HS3ST3A1: variants seen among roughly 807,000 people sequenced by gnomAD.
HS3ST3A1 encodes the protein heparan sulfate-glucosamine 3-sulfotransferase 3A1, also known as heparan sulfate glucosamine 3-O-sulfotransferase 3A1.
In HS3ST3A1, 19 loss-of-function variants were observed where a neutral mutation model predicts 25.7. The observed-to-expected ratio is 0.74, with a 90% CI of 0.52 to 1.08. The LOEUF is 1.08. HS3ST3A1 is among the 50% of genes least tolerant of loss of function. HS3ST3A1 has a pLI of 0.00. For synonymous variants in HS3ST3A1, 226 were observed against 278.6 expected (o/e 0.81, Z 1.88); for missense variants, 459 against 594.3 (o/e 0.77, Z 2.37).
intron 1 of HS3ST3A1, among the ~76,000 whole-genome samples, chr17:13,506,415 A>G (rs1373285022): frequency 6.6e-6 from 1 of 152,186 alleles, no homozygotes; most frequent in Non-Finnish European, 1.5e-5. Flanking sequence ...TTAACTTGTC[A>G]TATTTAGAGC....
At position 13,496,392 on chromosome 17, in the gene HS3ST3A1, G is replaced by A. The variant is rs1178669450; in HGVS notation, c.1026C>T (p.Tyr342=). 3 of 1,397,944 alleles carry A rather than the reference G, an allele frequency of 2.1e-6. No homozygotes were observed. The African/African-American group carries it at 4.4e-5, about 21-fold the overall frequency. The allele number at this position is 1,397,944 out of a possible 1,614,324, so 86.6% of individuals were successfully genotyped here. The stretch of plus-strand genomic sequence containing the variant: ...AGGGGAAGCCCTTGGTCTTGTTGAA[G>A]TAGAAGTGCTTGTCCGTGATGATCC... ...LKRIITDKHF[Y]FNKTKGFPCL... The change falls in exon 2 of 2, where the codon TAC becomes TAT. Residue 342 remains tyrosine (Y), a synonymous_variant. Coordinates refer to ENST00000284110, the MANE Select transcript of HS3ST3A1 (RefSeq NM_006042.3).
At chr17:13,566,031 G>T (rs1172011488) in intron 1 of HS3ST3A1, among the ~76,000 whole-genome samples, 1 of 152,040 alleles carries the variant, frequency 6.6e-6, no homozygotes, top group Non-Finnish European at 1.5e-5. Context: ...TTATCTTTTA[G>T]TTATTACAGG....
At chr17:13,532,810 G>A (rs9902049) in intron 1 of HS3ST3A1, among the ~76,000 whole-genome samples, 67,059 of 150,072 alleles carry the variant, frequency 0.45, 16,533 homozygotes, top group African/African-American at 0.68. Context: ...TCTTTGTTGA[G>A]TATTTCCAAG....
chr17:13,501,231 T>A (rs535718163), intron 1 of HS3ST3A1, among the ~76,000 whole-genome samples: 1 of 151,084 alleles, frequency 6.6e-6, no homozygotes, highest in South Asian at 2.1e-4. Context: ...CGAACAACGG[T>A]TAAAATGGTA....
chr17:13,513,064 G>A (rs1418733967), intron 1 of HS3ST3A1, among the ~76,000 whole-genome samples: 1 of 152,166 alleles, frequency 6.6e-6, no homozygotes, highest in Non-Finnish European at 1.5e-5. Context: ...AGGGTATGCG[G>A]GCCTTCATTC....
At chr17:13,588,171 T>C (rs1264801405) in intron 1 of HS3ST3A1, among the ~76,000 whole-genome samples, 2 of 152,088 alleles carry the variant, frequency 1.3e-5, no homozygotes, top group Non-Finnish European at 2.9e-5. Context: ...TTACATATCG[T>C]CTGTGGCTGC....
chr17:13,562,276 C>CA (rs1907568940), intron 1 of HS3ST3A1, among the ~76,000 whole-genome samples: 1 of 152,118 alleles, frequency 6.6e-6, no homozygotes, highest in Non-Finnish European at 1.5e-5. Flanking sequence ...CAGACACAGT[C>CA]ATGGTCTGGA....
intron 1 of HS3ST3A1, among the ~76,000 whole-genome samples, chr17:13,561,578 G>A (rs1439030130): frequency 6.6e-6 from 1 of 152,064 alleles, no homozygotes; most frequent in Non-Finnish European, 1.5e-5. Flanking sequence ...AATTTTAGTA[G>A]TGACGGGGTT....
chr17:13,504,876 GC>G (rs1905607332), intron 1 of HS3ST3A1, among the ~76,000 whole-genome samples: 1 of 152,174 alleles, frequency 6.6e-6, no homozygotes, highest in South Asian at 2.1e-4. Flanking sequence ...CCTCACATGG[GC>G]CACTATGAGC....
intron 1 of HS3ST3A1, among the ~76,000 whole-genome samples, chr17:13,599,255 G>A (rs1168209157): frequency 1.3e-5 from 2 of 152,118 alleles, no homozygotes; most frequent in Non-Finnish European, 2.9e-5. Context: ...TCCAACAAAT[G>A]GAAAGTTACT....
chr17:13,574,066 A>G (rs953268861), intron 1 of HS3ST3A1, among the ~76,000 whole-genome samples: 2 of 151,682 alleles, frequency 1.3e-5, no homozygotes, highest in Admixed American at 6.6e-5. Context: ...TCCCTAATGC[A>G]GTTCTCACCC....
At chr17:13,566,487 C>T (rs1186148857) in intron 1 of HS3ST3A1, among the ~76,000 whole-genome samples, 2 of 152,160 alleles carry the variant, frequency 1.3e-5, no homozygotes, top group East Asian at 1.9e-4. Flanking sequence ...AAGAGTTGCA[C>T]CTCCCTCACT....
chr17:13,534,192 C>T (rs6502274), intron 1 of HS3ST3A1, among the ~76,000 whole-genome samples: 1 of 151,790 alleles, frequency 6.6e-6, no homozygotes, highest in Non-Finnish European at 1.5e-5. Flanking sequence ...CTATAAATGG[C>T]GTTAATGTCT....
At chr17:13,562,740 T>C (rs1355631986) in intron 1 of HS3ST3A1, among the ~76,000 whole-genome samples, 7 of 151,994 alleles carry the variant, frequency 4.6e-5, no homozygotes, top group Non-Finnish European at 1.0e-4. Context: ...CCAAACTCCA[T>C]CCAGAGTCAA....
At chr17:13,547,725 A>G (rs1907125725) in intron 1 of HS3ST3A1, among the ~76,000 whole-genome samples, 2 of 152,116 alleles carry the variant, frequency 1.3e-5, no homozygotes. Flanking sequence ...GAACCTAAGA[A>G]AGGGGTTATG....
chr17:13,525,876 T>C (rs1462319141), intron 1 of HS3ST3A1, among the ~76,000 whole-genome samples: 4 of 152,118 alleles, frequency 2.6e-5, no homozygotes, highest in Non-Finnish European at 5.9e-5. Context: ...CTTTTTTTTT[T>C]CTGTGATTTA....
At chr17:13,526,323 G>T (rs1163872597) in intron 1 of HS3ST3A1, among the ~76,000 whole-genome samples, 1 of 151,498 alleles carries the variant, frequency 6.6e-6, no homozygotes, top group Non-Finnish European at 1.5e-5. Context: ...CTCTTTAGTA[G>T]GTAGACGGTG....
intron 1 of HS3ST3A1, among the ~76,000 whole-genome samples, chr17:13,572,479 TAAGA>T (rs1907841889): frequency 6.6e-6 from 1 of 152,030 alleles, no homozygotes; most frequent in South Asian, 2.1e-4. Flanking sequence ...GTCGGGGTGC[TAAGA>T]AATACCCATG....
At chr17:13,510,160 C>A (rs1032196637) in intron 1 of HS3ST3A1, among the ~76,000 whole-genome samples, 3 of 152,332 alleles carry the variant, frequency 2.0e-5, no homozygotes, top group African/African-American at 7.2e-5. Context: ...CCTCTCCTGG[C>A]TCTGTGGTGG....
Sources: gnomAD v4.1 joint callset for allele counts (sites outside exome capture counted in the v4.1 genomes callset) on GRCh38, gnomAD v4.1.1 for gene constraint, MANE v1.5 for transcripts, NCBI Gene and HGNC (gene_info 2026-07-23, HGNC 2026-07-21) for gene names.